CNBD1: variants seen among roughly 807,000 people sequenced by gnomAD.
The protein encoded by CNBD1 is cyclic nucleotide-binding domain-containing protein 1.
Under a neutral mutation model 54.4 loss-of-function variants are expected in CNBD1, and 71 were observed. That is an observed-to-expected ratio of 1.30 (90% CI 1.08 to 1.59). CNBD1 has a LOEUF of 1.59. Among genes scored for constraint, CNBD1 ranks in the 40% most tolerant of loss-of-function variants. The probability of loss-of-function intolerance (pLI) is 0.00; values close to 1 mark genes in which losing one functional copy is unlikely to be tolerated. For synonymous variants in CNBD1, 182 were observed against 170.7 expected, an observed-to-expected ratio of 1.07 and a Z score of -0.51; for missense variants, 659 against 518.0, an observed-to-expected ratio of 1.27 and a Z score of -2.64.
At chr8:87,155,231 C>A (rs562544800) in intron 4 of CNBD1, among the ~76,000 whole-genome samples, 15 of 152,194 alleles carry the variant, frequency 9.9e-5, no homozygotes, top group African/African-American at 3.4e-4. Flanking sequence ...TTTTTATAGG[C>A]AAGGAGGTGA....
At chr8:87,305,835 A>C (rs1480524470) in intron 8 of CNBD1, among the ~76,000 whole-genome samples, 3 of 150,922 alleles carry the variant, frequency 2.0e-5, no homozygotes, top group African/African-American at 5.0e-5. Flanking sequence ...CCTTCTAGTC[A>C]TTGGCTTAAA....
At chr8:87,001,445 C>T (rs1467228378) in intron 4 of CNBD1, among the ~76,000 whole-genome samples, 1 of 151,864 alleles carries the variant, frequency 6.6e-6, no homozygotes, top group Non-Finnish European at 1.5e-5. Context: ...GTTTCTTTTC[C>T]TTTTGACCAT....
chr8:87,363,982 A>T (rs1210431455), intron 10 of CNBD1, among the ~76,000 whole-genome samples: 2 of 148,786 alleles, frequency 1.3e-5, no homozygotes, highest in Non-Finnish European at 3.0e-5. Flanking sequence ...TTTTTTTTTT[A>T]AACGAATGAA....
At chr8:87,347,107 T>C (rs1563563278) in intron 8 of CNBD1, among the ~76,000 whole-genome samples, 1 of 152,220 alleles carries the variant, frequency 6.6e-6, no homozygotes, top group Non-Finnish European at 1.5e-5. Context: ...ACTTTGCTAC[T>C]GCCTCCAGGG....
chr8:87,410,573 G>T (rs1445336858), intron 2 of CNBD1, among the ~76,000 whole-genome samples: 2 of 152,134 alleles, frequency 1.3e-5, no homozygotes, highest in African/African-American at 4.8e-5. Flanking sequence ...TGTGAACATT[G>T]TTGAAATCAC....
intron 8 of CNBD1, among the ~76,000 whole-genome samples, chr8:87,321,011 T>C (rs552319856): frequency 1.3e-5 from 2 of 152,160 alleles, no homozygotes; most frequent in African/African-American, 4.8e-5. Flanking sequence ...ATTCTCAAAC[T>C]GCATCCATGT....
chr8:87,306,007 C>G (rs1809133738), intron 8 of CNBD1, among the ~76,000 whole-genome samples: 1 of 152,092 alleles, frequency 6.6e-6, no homozygotes, highest in Non-Finnish European at 1.5e-5. Flanking sequence ...ATCTATGCAT[C>G]TGACAAAGGA....
intron 4 of CNBD1, among the ~76,000 whole-genome samples, chr8:87,101,028 A>T (rs1365855170): frequency 6.6e-6 from 1 of 152,346 alleles, no homozygotes; most frequent in East Asian, 1.9e-4. Flanking sequence ...ACTGGGGGAG[A>T]AAGATTTTAG....
intron 3 of CNBD1, among the ~76,000 whole-genome samples, chr8:86,926,174 C>A (rs1369361997): frequency 6.6e-6 from 1 of 152,110 alleles, no homozygotes; most frequent in Non-Finnish European, 1.5e-5. Context: ...TCCAAGTCCC[C>A]ACTTGACCCA....
At chr8:87,336,096 T>C (rs1170523588) in intron 8 of CNBD1, among the ~76,000 whole-genome samples, 1 of 152,200 alleles carries the variant, frequency 6.6e-6, no homozygotes, top group East Asian at 1.9e-4. Flanking sequence ...CCTTTGTAGG[T>C]GACCTGACCT....
intron 2 of CNBD1, among the ~76,000 whole-genome samples, chr8:87,412,685 TAA>T (rs914398435): frequency 5.3e-5 from 8 of 152,058 alleles, no homozygotes; most frequent in African/African-American, 1.9e-4. Flanking sequence ...TTTATTTAGC[TAA>T]AGTTTGAGGA....
intron 3 of CNBD1, among the ~76,000 whole-genome samples, chr8:86,929,236 G>A (rs1000364954): frequency 2.0e-5 from 3 of 152,140 alleles, no homozygotes; most frequent in Admixed American, 6.5e-5. Context: ...TATTTAATGG[G>A]GGTTCCCTCA....
intron 3 of CNBD1, among the ~76,000 whole-genome samples, chr8:86,934,046 G>A (rs1809502860): frequency 6.6e-6 from 1 of 152,090 alleles, no homozygotes; most frequent in African/African-American, 2.4e-5. Flanking sequence ...ATCTATAGAA[G>A]TTTATTTTAC....
At chr8:87,272,836 A>T (rs1808395355) in intron 6 of CNBD1, among the ~76,000 whole-genome samples, 1 of 152,020 alleles carries the variant, frequency 6.6e-6, no homozygotes, top group Non-Finnish European at 1.5e-5. Context: ...ACTTTAAAAA[A>T]TTTATGATTA....
At chr8:87,312,317 A>G (rs1430100150) in intron 8 of CNBD1, among the ~76,000 whole-genome samples, 2 of 152,122 alleles carry the variant, frequency 1.3e-5, no homozygotes, top group Non-Finnish European at 1.5e-5. Context: ...TGTGAGTTAC[A>G]TATGCACACA....
chr8:87,222,437 G>A (rs1814360573), intron 5 of CNBD1, among the ~76,000 whole-genome samples: 1 of 152,060 alleles, frequency 6.6e-6, no homozygotes, highest in Admixed American at 6.6e-5. Context: ...GAGTGCCATG[G>A]CAAAAATTCT....
chr8:87,408,408 T>A (rs1407908215), intron 2 of CNBD1, among the ~76,000 whole-genome samples: 1 of 152,034 alleles, frequency 6.6e-6, no homozygotes, highest in Non-Finnish European at 1.5e-5. Flanking sequence ...TGTGTGTGTG[T>A]GTATAGACAG....
chr8:87,402,599 T>A (rs544714496), intron 2 of CNBD1, among the ~76,000 whole-genome samples: 1 of 152,066 alleles, frequency 6.6e-6, no homozygotes, highest in Non-Finnish European at 1.5e-5. Context: ...CAAACTTTAT[T>A]CATTGTTTCC....
chr8:87,301,477 A>AACG (rs34917158), intron 8 of CNBD1, among the ~76,000 whole-genome samples: 2 of 152,092 alleles, frequency 1.3e-5, no homozygotes, highest in Non-Finnish European at 2.9e-5. Context: ...ATCCAACAAC[A>AACG]TATCAAAAAG....
Sources: gnomAD v4.1 joint callset for allele counts (sites outside exome capture counted in the v4.1 genomes callset) on GRCh38, gnomAD v4.1.1 for gene constraint, MANE v1.5 for transcripts, NCBI Gene and HGNC (gene_info 2026-07-23, HGNC 2026-07-21) for gene names.